PLXDC2: variants seen among roughly 807,000 people sequenced by gnomAD.
PLXDC2 encodes the protein plexin domain containing 2, also known as plexin domain-containing protein 2.
In PLXDC2, 40 loss-of-function variants were observed where a neutral mutation model predicts 68.9. That is an observed-to-expected ratio of 0.58 (90% CI 0.45 to 0.76). The LOEUF (loss-of-function observed/expected upper bound fraction) is 0.76, where lower values mean the gene tolerates loss of function less well. PLXDC2 is among the 30% of genes least tolerant of loss of function. PLXDC2 has a pLI of 0.00. For synonymous variants in PLXDC2, 243 were observed against 234.2 expected (o/e 1.04, Z -0.34); for missense variants, 644 against 661.9 (o/e 0.97, Z 0.30).
chr10:20,121,066 G>A (rs544951108), intron 4 of PLXDC2, among the ~76,000 whole-genome samples: 1 of 152,302 alleles, frequency 6.6e-6, no homozygotes. Context: ...GTCCGGGCCA[G>A]GAACAATGGT....
chr10:19,820,737 T>A (rs1489668605), intron 1 of PLXDC2, among the ~76,000 whole-genome samples: 1 of 151,422 alleles, frequency 6.6e-6, no homozygotes, highest in Non-Finnish European at 1.5e-5. Flanking sequence ...CATTATGTTT[T>A]TAAAGAGGAA....
At chr10:20,203,615 A>G (rs1834950720) in intron 9 of PLXDC2, among the ~76,000 whole-genome samples, 1 of 151,614 alleles carries the variant, frequency 6.6e-6, no homozygotes, top group Admixed American at 6.6e-5. Flanking sequence ...CCAGCCCAAT[A>G]CGAATTTTTT....
At chr10:19,958,273 C>G (rs1283957525) in intron 1 of PLXDC2, among the ~76,000 whole-genome samples, 2 of 152,056 alleles carry the variant, frequency 1.3e-5, no homozygotes, top group Non-Finnish European at 2.9e-5. Flanking sequence ...AAGAGAGACA[C>G]AAATAACTAA....
chr10:20,264,323 G>A (rs1389439770), intron 13 of PLXDC2, among the ~76,000 whole-genome samples: 1 of 152,140 alleles, frequency 6.6e-6, no homozygotes, highest in East Asian at 1.9e-4. Flanking sequence ...TGAGGGGGAA[G>A]GGTGGAAGGG....
At chr10:20,121,014 G>A (rs1833690157) in intron 4 of PLXDC2, among the ~76,000 whole-genome samples, 2 of 152,286 alleles carry the variant, frequency 1.3e-5, no homozygotes, top group Non-Finnish European at 2.9e-5. Context: ...AGTCATGGGT[G>A]TCAGTTGTGG....
chr10:20,155,888 A>G (rs764726162), intron 6 of PLXDC2, among the ~76,000 whole-genome samples: 36 of 152,166 alleles, frequency 2.4e-4, no homozygotes, highest in Non-Finnish European at 4.6e-4. Flanking sequence ...ATGTATTATT[A>G]TTACTTTTTA....
In PLXDC2 at chr10:20,289,852, T is replaced by C. The variant is rs1836208950; in HGVS notation, c.*10033T>C. The C allele has an allele frequency of 6.6e-6, 1 of 152,204 alleles. No individual in the cohort carries two copies. Among genetic ancestry groups the C allele is most frequent in the Admixed American group, 6.5e-5 (1 of 15,278 alleles). 9.4% of individuals were successfully genotyped at this position (152,204 alleles called of 1,614,324 possible). On this transcript the variant is annotated 3_prime_UTR_variant, in exon 14 of 14. Transcript: ENST00000377252. ...GTGGAGTAAATTCAGAAGTGCAATTTTAAATGGTGTGAATTGTCTTTATGA... is the reference window on the plus strand; with the variant it reads ...GTGGAGTAAATTCAGAAGTGCAATTCTAAATGGTGTGAATTGTCTTTATGA...
At chr10:19,919,358 T>C (rs953571977) in intron 1 of PLXDC2, among the ~76,000 whole-genome samples, 1 of 151,994 alleles carries the variant, frequency 6.6e-6, no homozygotes, top group African/African-American at 2.4e-5. Flanking sequence ...TTATCTTGCA[T>C]GTAGGCACTT....
intron 9 of PLXDC2, among the ~76,000 whole-genome samples, chr10:20,192,862 A>C (rs972429338): frequency 1.3e-5 from 2 of 152,104 alleles, no homozygotes; most frequent in African/African-American, 4.8e-5. Context: ...AGAAAACTTG[A>C]CGAAAAAGAC....
intron 1 of PLXDC2, among the ~76,000 whole-genome samples, chr10:19,819,006 C>A (rs139825307): frequency 4.1e-5 from 6 of 146,730 alleles, no homozygotes; most frequent in Non-Finnish European, 5.9e-5. Flanking sequence ...GTTCCAGTAA[C>A]GTTACTGAAA....
intron 1 of PLXDC2, among the ~76,000 whole-genome samples, chr10:19,916,919 G>A (rs1482470982): frequency 1.3e-5 from 2 of 152,190 alleles, no homozygotes; most frequent in Non-Finnish European, 2.9e-5. Context: ...GATTTTTGTA[G>A]CAACAGTGGT....
At chr10:19,975,958 C>T (rs1201935168) in intron 1 of PLXDC2, among the ~76,000 whole-genome samples, 1 of 152,024 alleles carries the variant, frequency 6.6e-6, no homozygotes, top group Non-Finnish European at 1.5e-5. Flanking sequence ...GAGCTGAGAT[C>T]ATGCCACTGC....
chr10:19,995,306 G>T (rs1234121114), intron 1 of PLXDC2, among the ~76,000 whole-genome samples: 3 of 152,152 alleles, frequency 2.0e-5, no homozygotes, highest in African/African-American at 7.2e-5. Flanking sequence ...ATGGGACAAT[G>T]TCCAGGGAAA....
At chr10:20,122,612 G>A (rs1833715095) in intron 4 of PLXDC2, among the ~76,000 whole-genome samples, 1 of 152,224 alleles carries the variant, frequency 6.6e-6, no homozygotes, top group South Asian at 2.1e-4. Context: ...CCAGATTTCT[G>A]GCACTTGTAG....
Position 20,175,613 on chromosome 10 carries a change from GAGTCCAGGA to G in PLXDC2, c.884-1385_884-1377del, listed in dbSNP as rs1463029900. 2.6e-5 allele frequency among the ~76,000 whole-genome samples: 4 copies of G among 152,336 alleles called. No homozygotes were observed. In the East Asian group the frequency reaches 7.7e-4, roughly 29 times the overall value. On this transcript the variant is annotated intron_variant, in intron 7 of 13. Coordinates refer to ENST00000377252, the MANE Select transcript of PLXDC2 (RefSeq NM_032812.9). ...GGAGGCCAAAGCAGGGGGATCACTT[GAGTCCAGGA>G]GTTGAAGACCAGCATGGGCAACATA...
At chr10:20,131,635 G>C (rs1290250783) in intron 4 of PLXDC2, among the ~76,000 whole-genome samples, 1 of 151,974 alleles carries the variant, frequency 6.6e-6, no homozygotes, top group South Asian at 2.1e-4. Context: ...CCTGACCTCA[G>C]GTGATCCACC....
At chr10:20,012,798 T>G (rs1303886738) in intron 2 of PLXDC2, among the ~76,000 whole-genome samples, 1 of 152,214 alleles carries the variant, frequency 6.6e-6, no homozygotes, top group African/African-American at 2.4e-5. Flanking sequence ...ACTGCCTTAG[T>G]TTTCTTTTTG....
intron 1 of PLXDC2, among the ~76,000 whole-genome samples, chr10:19,822,272 T>A (rs1836484079): frequency 6.7e-6 from 1 of 149,002 alleles, no homozygotes; most frequent in Non-Finnish European, 1.5e-5. Flanking sequence ...ATATATATAA[T>A]ATATGCACTA....
chr10:20,013,229 T>C (rs1363294338), intron 2 of PLXDC2, among the ~76,000 whole-genome samples: 1 of 152,214 alleles, frequency 6.6e-6, no homozygotes, highest in Admixed American at 6.5e-5. Flanking sequence ...CTATCTCTTT[T>C]ATTTTGAATT....
Sources: allele counts gnomAD v4.1 joint callset (sites outside exome capture counted in the v4.1 genomes callset), GRCh38; gene constraint gnomAD v4.1.1; transcripts MANE v1.5; gene names NCBI Gene and HGNC (gene_info 2026-07-23, HGNC 2026-07-21).